FCGR1A: variants seen among roughly 807,000 people sequenced by gnomAD.
FCGR1A encodes the protein high affinity immunoglobulin gamma Fc receptor I.
FCGR1A carries 13 observed loss-of-function variants against 35.0 expected under a neutral mutation model. The observed-to-expected ratio is 0.37, with a 90% confidence interval of 0.24 to 0.59. The LOEUF (loss-of-function observed/expected upper bound fraction) is 0.59, where lower values mean the gene tolerates loss of function less well. Among genes scored for constraint, FCGR1A ranks in the 20% least tolerant of loss-of-function variants. The pLI is 0.71. For missense variants in FCGR1A, 227 were observed against 430.0 expected (o/e 0.53, Z 4.17); for synonymous variants, 91 against 164.7 (o/e 0.55, Z 3.43).
intron 3 of FCGR1A, chr1:149,786,822 G>A (rs1553750888): frequency 6.6e-6 from 1 of 152,100 alleles, no homozygotes; most frequent in African/African-American, 2.4e-5. Flanking sequence ...TTTTGCTATT[G>A]ATTTCTAATA....
downstream of FCGR1A, among the ~76,000 whole-genome samples, chr1:149,794,355 G>C (rs1355072898): frequency 6.6e-6 from 1 of 151,574 alleles, no homozygotes; most frequent in Admixed American, 6.6e-5. Flanking sequence ...GAGGGGAACG[G>C]GGTAGCAAGA....
chr1:149,789,123 G>A (rs6676369), intron 4 of FCGR1A, among the ~76,000 whole-genome samples: 3,927 of 150,768 alleles, frequency 0.026, 151 homozygotes, highest in African/African-American at 0.092. Flanking sequence ...ACCCTTTCAC[G>A]GCCTTTCCTC....
downstream of FCGR1A, chr1:149,793,319 G>A (rs1397393084): frequency 2.9e-5 from 34 of 1,153,914 alleles, no homozygotes; most frequent in Non-Finnish European, 3.6e-5. Flanking sequence ...CCTCCCAGCT[G>A]GTTCCCTCAC....
rs587645491 is a variant in FCGR1A at position 149,791,461 on chromosome 1, AAAG to A, written c.1075_1077del (p.Glu359del). 1,114 of 1,608,606 alleles carry A rather than the reference AAAG, an allele frequency of 6.9e-4. 10 individuals are homozygous for A. The African/African-American group carries it at 0.011, about 16-fold the overall frequency. ...AGAAGAGCTGAAATGTCAGGAACAA[AAAG>A]AAGAACAGCTGCAGGAAGGGGTGCA... On this transcript the variant is annotated inframe_deletion, in exon 6 of 6. Transcript: ENST00000369168.
chr1:149,792,560 T>C, downstream of FCGR1A: 3 of 1,183,002 alleles, frequency 2.5e-6, no homozygotes, highest in South Asian at 4.6e-5. Flanking sequence ...GATCCGTAAA[T>C]GATGGGATGG....
chr1:149,791,584 G>T lies in FCGR1A; in HGVS notation c.*67G>T, dbSNP rs587604979. 1.9e-6 allele frequency: 3 copies of T among 1,579,142 alleles called. No individual in the cohort carries two copies. The South Asian group carries it at 3.5e-5, about 18-fold the overall frequency. ...CCCACTTGCTCCCCGTGAGCACTGC[G>T]TACAAACATCCAAAAGTTCAACAAC... On this transcript the variant is annotated 3_prime_UTR_variant, in exon 6 of 6. Transcript: ENST00000369168.
chr1:149,789,197 G>T (rs1269822581), intron 4 of FCGR1A, among the ~76,000 whole-genome samples: 1 of 151,406 alleles, frequency 6.6e-6, no homozygotes, highest in African/African-American at 2.4e-5. Flanking sequence ...CTGTGGGAAA[G>T]AAATTATTGT....
At position 149,784,340 on chromosome 1, in the gene FCGR1A, G is replaced by T. The variant is rs1224621659; in HGVS notation, c.307+83G>T. 6.2e-6 allele frequency: 10 copies of T among 1,611,564 alleles called. No individual in the cohort carries two copies. In the Admixed American group the frequency reaches 1.7e-4, roughly 27 times the overall value. On this transcript the variant is annotated intron_variant, in intron 3 of 5. Coordinates refer to ENST00000369168, the MANE Select transcript of FCGR1A (RefSeq NM_000566.4). ...TCCTTTCTGGATGCCAGATGTGTGTGTGTCGATTTATCTGGGTGCAGGTCT... is the reference window on the plus strand; with the variant it reads ...TCCTTTCTGGATGCCAGATGTGTGTTTGTCGATTTATCTGGGTGCAGGTCT...
At chr1:149,784,704 A>G (rs1360860095) in intron 3 of FCGR1A, among the ~76,000 whole-genome samples, 1 of 9,160 alleles carries the variant, frequency 1.1e-4, no homozygotes, top group Non-Finnish European at 7.5e-4. Flanking sequence ...TATAAACTAT[A>G]TATATATATA....
At chr1:149,793,533 GA>G (rs2091763611), downstream of FCGR1A, among the ~76,000 whole-genome samples, 1 of 152,098 alleles carries the variant, frequency 6.6e-6, no homozygotes, top group Non-Finnish European at 1.5e-5. Context: ...CTGGCGGGGA[GA>G]AAGGTGGGTC....
At chr1:149,799,506 C>T in the FCGR1A span, among the ~76,000 whole-genome samples, 1 of 151,948 alleles carries the variant, frequency 6.6e-6, no homozygotes, top group Non-Finnish European at 1.5e-5. Context: ...TTTATTTTCT[C>T]ATGACTATGG....
At chr1:149,789,938 C>T (rs587674150) in intron 4 of FCGR1A, 116 bp from the exon 5 acceptor site, 13 of 1,598,274 alleles carry the variant, frequency 8.1e-6, no homozygotes, top group East Asian at 2.2e-5. Flanking sequence ...AGGGTTAATG[C>T]CTTATGGATG....
At chr1:149,797,871 T>C in the FCGR1A span, among the ~76,000 whole-genome samples, 4 of 152,288 alleles carry the variant, frequency 2.6e-5, no homozygotes, top group East Asian at 7.7e-4. Context: ...CCAATTATTT[T>C]CTCTTAAATG....
rs587643923 is a variant in FCGR1A, at chr1:149,788,188, T to C, written c.308-178T>C. On this transcript the variant is annotated intron_variant, in intron 3 of 5. Transcript: ENST00000369168. ...CTGTGTACGCAGTTGCCAGTAAAGA[T>C]TGCTTTTCTTTCCACCAAAGCTAAA... The C allele has an allele frequency of 2.8e-5, 37 of 1,321,728 alleles. No individual in the cohort carries two copies. The East Asian group carries it at 9.3e-4, about 33-fold the overall frequency. The allele number at this position is 1,321,728 out of a possible 1,614,324, so 81.9% of individuals were successfully genotyped here.
chr1:149,792,713 G>C (rs781876519), downstream of FCGR1A: 3 of 1,283,206 alleles, frequency 2.3e-6, no homozygotes, highest in South Asian at 1.2e-5. Flanking sequence ...TGTTGGGCGC[G>C]CGCTTCTCCG....
At chr1:149,792,392 T>C (rs1553752056), downstream of FCGR1A, 1 of 435,466 alleles carries the variant, frequency 2.3e-6, no homozygotes, top group Non-Finnish European at 3.4e-6. Context: ...GCTGCTCTCA[T>C]ACTTGGGCTG....
the FCGR1A span, among the ~76,000 whole-genome samples, chr1:149,800,163 C>CA: frequency 1.3e-5 from 2 of 152,016 alleles, no homozygotes; most frequent in Non-Finnish European, 2.9e-5. Context: ...TGGTTTATAA[C>CA]AAAAAATACA....
chr1:149,794,276 G>GA (rs1339448204), downstream of FCGR1A, among the ~76,000 whole-genome samples: 1 of 151,400 alleles, frequency 6.6e-6, no homozygotes, highest in Non-Finnish European at 1.5e-5. Context: ...GAAGGGGGGG[G>GA]AACACGTAGA....
downstream of FCGR1A, chr1:149,792,946 G>A (rs1571402591): frequency 4.7e-6 from 6 of 1,274,764 alleles, no homozygotes; most frequent in Non-Finnish European, 6.1e-6. Flanking sequence ...AAAACCCGGC[G>A]GCAGAATGGA....
Sources: allele counts gnomAD v4.1 joint callset (sites outside exome capture counted in the v4.1 genomes callset), GRCh38; gene constraint gnomAD v4.1.1; transcripts MANE v1.5; gene names NCBI Gene and HGNC (gene_info 2026-07-23, HGNC 2026-07-21).